Variants in KCNIP4 observed in about 807,000 individuals in gnomAD.
KCNIP4 encodes Kv channel-interacting protein 4.
A neutral mutation model predicts 34.0 loss-of-function variants in KCNIP4; 12 were observed. That is an observed-to-expected ratio of 0.35 (90% CI 0.23 to 0.57). The LOEUF (loss-of-function observed/expected upper bound fraction) is 0.57, where lower values mean the gene tolerates loss of function less well. Ranked by LOEUF, KCNIP4 falls within the 20% of genes least tolerant of loss-of-function variation. KCNIP4 has a pLI of 0.83. For synonymous variants in KCNIP4, 124 were observed against 102.2 expected, an observed-to-expected ratio of 1.21 and a Z score of -1.29; for missense variants, 238 against 311.7, an observed-to-expected ratio of 0.76 and a Z score of 1.78.
intron 1 of KCNIP4, among the ~76,000 whole-genome samples, chr4:21,592,798 G>A (rs550784590): frequency 2.7e-4 from 41 of 152,182 alleles, no homozygotes; most frequent in African/African-American, 9.4e-4. Flanking sequence ...TGTCATAGAG[G>A]AAAGTCACTG....
rs188602815 is a variant in KCNIP4, at chr4:21,773,146, T to C, written c.61+175425A>G. ...GTTCTCATTGGTTTGAAAGAACTTA[T>C]TGATTTATGCCTTAATTTCATTATT... On this transcript the variant is annotated intron_variant, in intron 1 of 8. Coordinates refer to ENST00000382152, the MANE Select transcript of KCNIP4 (RefSeq NM_025221.6). Among the ~76,000 whole-genome samples, 3 of 152,324 alleles carry C rather than the reference T, an allele frequency of 2.0e-5. No homozygotes were observed. In the East Asian group the frequency reaches 5.8e-4, roughly 29 times the overall value.
At chr4:21,064,838 G>GA (rs921585048) in intron 1 of KCNIP4, among the ~76,000 whole-genome samples, 8 of 151,906 alleles carry the variant, frequency 5.3e-5, no homozygotes, top group South Asian at 4.1e-4. Context: ...CTTTGAAAAA[G>GA]AAAAAAACTC....
chr4:21,334,931 A>G (rs1184813837), intron 1 of KCNIP4, among the ~76,000 whole-genome samples: 2 of 152,076 alleles, frequency 1.3e-5, no homozygotes, highest in Non-Finnish European at 2.9e-5. Context: ...TTGTTTCTAG[A>G]TTTTGACTTC....
chr4:21,794,989 T>C (rs946679630), intron 1 of KCNIP4, among the ~76,000 whole-genome samples: 5 of 152,166 alleles, frequency 3.3e-5, no homozygotes, highest in African/African-American at 1.2e-4. Flanking sequence ...TACCCTCAAG[T>C]ACTCAGCAAA....
intron 1 of KCNIP4, among the ~76,000 whole-genome samples, chr4:20,940,832 G>A (rs1731565407): frequency 6.6e-6 from 1 of 152,132 alleles, no homozygotes; most frequent in South Asian, 2.1e-4. Flanking sequence ...AATTAGTAGA[G>A]GAGAACATGA....
At chr4:20,984,471 C>T (rs968380777) in intron 1 of KCNIP4, among the ~76,000 whole-genome samples, 2 of 152,164 alleles carry the variant, frequency 1.3e-5, no homozygotes, top group African/African-American at 4.8e-5. Flanking sequence ...TCTCTGAATG[C>T]TAGGAAACAA....
intron 1 of KCNIP4, among the ~76,000 whole-genome samples, chr4:21,389,043 G>A (rs1214182033): frequency 6.6e-6 from 1 of 151,232 alleles, no homozygotes; most frequent in Non-Finnish European, 1.5e-5. Context: ...GAAGTTCAGT[G>A]GCACAATCAA....
intron 1 of KCNIP4, among the ~76,000 whole-genome samples, chr4:20,991,907 C>T (rs2149706830): frequency 6.6e-6 from 1 of 152,282 alleles, no homozygotes; most frequent in East Asian, 1.9e-4. Flanking sequence ...TCAGCTTGAT[C>T]CTCCCAGTTC....
chr4:21,073,556 G>T (rs1193692387), intron 1 of KCNIP4, among the ~76,000 whole-genome samples: 1 of 152,052 alleles, frequency 6.6e-6, no homozygotes, highest in Non-Finnish European at 1.5e-5. Context: ...TGGGATTTTC[G>T]AAATATACAA....
At chr4:21,889,050 T>G (rs1726943063) in intron 1 of KCNIP4, among the ~76,000 whole-genome samples, 1 of 152,142 alleles carries the variant, frequency 6.6e-6, no homozygotes, top group Non-Finnish European at 1.5e-5. Context: ...ATGTCATATT[T>G]TTATTGCTAA....
chr4:21,141,627 G>A (rs188660885), intron 1 of KCNIP4, among the ~76,000 whole-genome samples: 27 of 152,186 alleles, frequency 1.8e-4, no homozygotes, highest in African/African-American at 3.4e-4. Context: ...TTGAATACAC[G>A]CTTACCATAG....
intron 1 of KCNIP4, among the ~76,000 whole-genome samples, chr4:21,340,849 G>A (rs926320405): frequency 5.3e-5 from 8 of 152,008 alleles, no homozygotes; most frequent in Admixed American, 2.0e-4. Context: ...GGCCAGCTCC[G>A]TATATTACAC....
chr4:21,497,482 C>A (rs538069680), intron 1 of KCNIP4, among the ~76,000 whole-genome samples: 1 of 152,172 alleles, frequency 6.6e-6, no homozygotes, highest in Non-Finnish European at 1.5e-5. Context: ...TCCTACTCAT[C>A]CCTTAAGTCC....
intron 1 of KCNIP4, among the ~76,000 whole-genome samples, chr4:21,560,614 T>C (rs1232889258): frequency 3.9e-5 from 6 of 152,194 alleles, no homozygotes; most frequent in Middle Eastern, 6.8e-3. Flanking sequence ...TCAGCATATA[T>C]AGCTCTTACT....
At chr4:20,964,925 A>T (rs968187711) in intron 1 of KCNIP4, among the ~76,000 whole-genome samples, 2 of 152,178 alleles carry the variant, frequency 1.3e-5, no homozygotes, top group Middle Eastern at 3.2e-3. Flanking sequence ...GGCACATTAA[A>T]CAAATACTGG....
At chr4:20,938,901 T>G (rs1189460589) in intron 1 of KCNIP4, among the ~76,000 whole-genome samples, 1 of 152,236 alleles carries the variant, frequency 6.6e-6, no homozygotes, top group Non-Finnish European at 1.5e-5. Flanking sequence ...TAGAAATTTT[T>G]GAAATATTAT....
chr4:21,257,100 G>A (rs1407985923), intron 1 of KCNIP4, among the ~76,000 whole-genome samples: 1 of 152,138 alleles, frequency 6.6e-6, no homozygotes, highest in Non-Finnish European at 1.5e-5. Context: ...GCTTGCATGT[G>A]GATGCTGAGA....
At chr4:21,759,711 A>T (rs1717913822) in intron 1 of KCNIP4, among the ~76,000 whole-genome samples, 2 of 151,932 alleles carry the variant, frequency 1.3e-5, no homozygotes, top group Admixed American at 1.3e-4. Flanking sequence ...AGTCTTCATA[A>T]ATTTATTTTG....
At chr4:21,372,172 G>T (rs1465269184) in intron 1 of KCNIP4, among the ~76,000 whole-genome samples, 1 of 147,236 alleles carries the variant, frequency 6.8e-6, no homozygotes, top group Non-Finnish European at 1.5e-5. Flanking sequence ...TACTTCAGGA[G>T]TCTTTACATT....
Sources: allele counts gnomAD v4.1 joint callset (sites outside exome capture counted in the v4.1 genomes callset), GRCh38; gene constraint gnomAD v4.1.1; transcripts MANE v1.5; gene names NCBI Gene and HGNC (gene_info 2026-07-23, HGNC 2026-07-21).